SHLD1: variants seen among roughly 807,000 people sequenced by gnomAD.
SHLD1 encodes the protein shieldin complex subunit 1.
In SHLD1, 3 loss-of-function variants were observed where a neutral mutation model predicts 5.5. The ratio of observed to expected loss-of-function variants is 0.54; its 90% CI spans 0.25 to 1.40. SHLD1 has a LOEUF of 1.40. Among genes scored for constraint, SHLD1 ranks in the 40% most tolerant of loss-of-function variants. The pLI, the probability that SHLD1 is intolerant of heterozygous loss-of-function variation, is 0.15. For synonymous variants in SHLD1, 92 were observed against 94.3 expected (o/e 0.98, Z 0.14); for missense variants, 210 against 244.4 (o/e 0.86, Z 0.94).
chr20:5,849,745 G>A (rs1600177785), intron 2 of SHLD1, among the ~76,000 whole-genome samples: 1 of 150,462 alleles, frequency 6.6e-6, no homozygotes, highest in East Asian at 2.0e-4. Context: ...GGATCATGAG[G>A]TCAGGAGATC....
intron 2 of SHLD1, among the ~76,000 whole-genome samples, chr20:5,841,214 T>C (rs141673955): frequency 1.8e-3 from 274 of 152,182 alleles, no homozygotes; most frequent in Non-Finnish European, 3.3e-3. Flanking sequence ...CACATGCATA[T>C]GTATACATAA....
chr20:5,798,337 C>T (rs1408525959), intron 2 of SHLD1, among the ~76,000 whole-genome samples: 1 of 150,874 alleles, frequency 6.6e-6, no homozygotes, highest in South Asian at 2.1e-4. Flanking sequence ...CGAAGTCTTT[C>T]TGTCACCCAG....
At chr20:5,811,152 A>AT (rs1227580994) in intron 2 of SHLD1, among the ~76,000 whole-genome samples, 6 of 152,166 alleles carry the variant, frequency 3.9e-5, no homozygotes, top group African/African-American at 1.4e-4. Flanking sequence ...GCCAGGCAGG[A>AT]AAAGGCTTAT....
At chr20:5,815,914 C>G (rs1027647188) in intron 2 of SHLD1, among the ~76,000 whole-genome samples, 1 of 151,944 alleles carries the variant, frequency 6.6e-6, no homozygotes, top group African/African-American at 2.4e-5. Flanking sequence ...AATCCTGTCT[C>G]TACAGAAAAT....
At chr20:5,815,688 C>T (rs923889456) in intron 2 of SHLD1, among the ~76,000 whole-genome samples, 1 of 152,210 alleles carries the variant, frequency 6.6e-6, no homozygotes, top group Non-Finnish European at 1.5e-5. Flanking sequence ...TAAGGTTCCC[C>T]ATAACCACTG....
At chr20:5,762,565 G>T (rs1984525627) in intron 1 of SHLD1, among the ~76,000 whole-genome samples, 1 of 152,122 alleles carries the variant, frequency 6.6e-6, no homozygotes, top group South Asian at 2.1e-4. Flanking sequence ...CAGGATTTGG[G>T]GACCAGTGCC....
At chr20:5,778,884 C>T in intron 2 of SHLD1, among the ~76,000 whole-genome samples, 1 of 152,122 alleles carries the variant, frequency 6.6e-6, no homozygotes, top group African/African-American at 2.4e-5. Flanking sequence ...TCCAGAGCTA[C>T]CTTTTGTGAG....
intron 2 of SHLD1, among the ~76,000 whole-genome samples, chr20:5,787,684 C>T (rs2087078568): frequency 6.6e-6 from 1 of 152,112 alleles, no homozygotes; most frequent in Non-Finnish European, 1.5e-5. Context: ...ATGGTAGGTG[C>T]TCAGTAAAGG....
At chr20:5,756,139 C>T (rs1055823695) in intron 1 of SHLD1, among the ~76,000 whole-genome samples, 2 of 152,012 alleles carry the variant, frequency 1.3e-5, no homozygotes, top group Non-Finnish European at 2.9e-5. Context: ...CTCTGACCCC[C>T]CTTTCCATCA....
chr20:5,841,158 C>G (rs999172584), intron 2 of SHLD1, among the ~76,000 whole-genome samples: 2 of 144,132 alleles, frequency 1.4e-5, no homozygotes, highest in Non-Finnish European at 3.0e-5. Flanking sequence ...CCATAACTTA[C>G]TGAAAATAGC....
At chr20:5,861,474 T>G (rs1475959665) in intron 2 of SHLD1, among the ~76,000 whole-genome samples, 1 of 152,258 alleles carries the variant, frequency 6.6e-6, no homozygotes, top group Non-Finnish European at 1.5e-5. Flanking sequence ...ATATCAGCTT[T>G]CTATAAATAA....
intron 2 of SHLD1, among the ~76,000 whole-genome samples, chr20:5,794,151 T>C (rs1040012549): frequency 6.6e-6 from 1 of 152,246 alleles, no homozygotes; most frequent in Non-Finnish European, 1.5e-5. Context: ...GCTAGCTTTC[T>C]GACCTTGAGC....
intron 2 of SHLD1, among the ~76,000 whole-genome samples, chr20:5,856,986 T>C (rs1019802979): frequency 6.6e-6 from 1 of 151,590 alleles, no homozygotes; most frequent in Non-Finnish European, 1.5e-5. Context: ...TATTTTGTTT[T>C]GTTTTGTTTT....
chr20:5,860,115 T>C (rs67012315), intron 2 of SHLD1, among the ~76,000 whole-genome samples: 26,754 of 124,992 alleles, frequency 0.21, 2,491 homozygotes, highest in Admixed American at 0.24. Flanking sequence ...AGCCACCACC[T>C]CCCAACCCCT....
intron 2 of SHLD1, among the ~76,000 whole-genome samples, chr20:5,795,973 C>G (rs2087206750): frequency 6.6e-6 from 1 of 150,642 alleles, no homozygotes; most frequent in African/African-American, 2.4e-5. Flanking sequence ...GCCTGGGCAA[C>G]AGAGCGAGAC....
At chr20:5,771,811 G>T in intron 1 of SHLD1, 1 of 198,538 alleles carries the variant, frequency 5.0e-6, no homozygotes, top group South Asian at 5.5e-5. Flanking sequence ...GTAGATCTTA[G>T]TAGCCTAGGC....
intron 1 of SHLD1, chr20:5,772,280 A>G (rs1350126130): frequency 1.0e-5 from 4 of 398,096 alleles, no homozygotes; most frequent in Non-Finnish European, 1.5e-5. Context: ...AATAAGTAAA[A>G]TAAGGGTTAC....
At chr20:5,801,257 G>A (rs1172057162) in intron 2 of SHLD1, among the ~76,000 whole-genome samples, 1 of 152,004 alleles carries the variant, frequency 6.6e-6, no homozygotes, top group Admixed American at 6.6e-5. Context: ...TGTATTTTTA[G>A]TAGAGACGGG....
At chr20:5,751,042 G>A (rs1351268315) in intron 1 of SHLD1, among the ~76,000 whole-genome samples, 1 of 152,042 alleles carries the variant, frequency 6.6e-6, no homozygotes. Context: ...TTTTGTTGTT[G>A]TTGACAGAAT....
Sources: allele counts gnomAD v4.1 joint callset (sites outside exome capture counted in the v4.1 genomes callset), GRCh38; gene constraint gnomAD v4.1.1; transcripts MANE v1.5; gene names NCBI Gene and HGNC (gene_info 2026-07-23, HGNC 2026-07-21).